Variants in FRMD4A observed in about 807,000 individuals in gnomAD.
FRMD4A encodes FERM domain-containing protein 4A.
FRMD4A carries 29 observed loss-of-function variants against 129.1 expected under a neutral mutation model. The observed-to-expected ratio is 0.22, with a 90% CI of 0.17 to 0.31. The LOEUF is 0.31. Ranked by LOEUF, FRMD4A falls within the 10% of genes least tolerant of loss-of-function variation. The probability of loss-of-function intolerance (pLI) is 1.00; values close to 1 mark genes in which losing one functional copy is unlikely to be tolerated. For synonymous variants in FRMD4A, 634 were observed against 571.6 expected (o/e 1.11, Z -1.56); for missense variants, 1,272 against 1,375.8 (o/e 0.92, Z 1.19).
At chr10:13,909,399 G>C (rs1364030062) in intron 2 of FRMD4A, among the ~76,000 whole-genome samples, 1 of 152,144 alleles carries the variant, frequency 6.6e-6, no homozygotes, top group Non-Finnish European at 1.5e-5. Context: ...GTTCCCATCA[G>C]TAACGTATAA....
intron 6 of FRMD4A, among the ~76,000 whole-genome samples, chr10:13,766,244 A>G (rs1225098027): frequency 1.3e-5 from 2 of 152,252 alleles, no homozygotes; most frequent in Non-Finnish European, 2.9e-5. Flanking sequence ...GGAAAGCACC[A>G]TCAAATATCT....
intron 2 of FRMD4A, among the ~76,000 whole-genome samples, chr10:14,156,814 G>A (rs981669820): frequency 1.3e-5 from 2 of 152,158 alleles, no homozygotes; most frequent in African/African-American, 2.4e-5. Context: ...CTGAGCACAC[G>A]TCCTGCTCAA....
At chr10:14,330,514 T>C (rs1306381936) in intron 1 of FRMD4A, 83 bp downstream of exon 1, 4 of 403,196 alleles carry the variant, frequency 9.9e-6, no homozygotes, top group African/African-American at 8.2e-5. Context: ...CTATTGCAGA[T>C]AAATCAAGCA....
At chr10:13,828,672 A>G (rs1025956744) in intron 3 of FRMD4A, among the ~76,000 whole-genome samples, 2 of 152,012 alleles carry the variant, frequency 1.3e-5, no homozygotes, top group African/African-American at 4.8e-5. Context: ...AGCTGGGATT[A>G]TAGGCATGTG....
rs779128066 is a variant in FRMD4A, at chr10:13,670,480, C to T, written c.1300G>A (p.Glu434Lys). The T allele has an allele frequency of 3.7e-6, 6 of 1,612,778 alleles. No homozygotes were observed. The highest frequency in any genetic ancestry group is 1.7e-5 in the Admixed American group (1 of 60,000). The change falls in exon 17 of 25, where the codon GAA (glutamate) becomes AAA (lysine). Residue 434 changes from glutamate (E) to lysine (K), a missense_variant. Physicochemically the swap from Glu to Lys is moderately conservative, Grantham distance 56. Transcript: ENST00000357447. ...ATTCTTCTCCGAACAATGGGTGGTT[C>T]CTCCCCTGGATCCAGGGGATATTCT... ...PVEYPLDPGEEPPIVRRRIGT... is the reference protein window; with the variant it reads ...PVEYPLDPGEKPPIVRRRIGT...
chr10:13,751,560 G>T (rs534416748), intron 8 of FRMD4A, among the ~76,000 whole-genome samples: 2 of 152,220 alleles, frequency 1.3e-5, no homozygotes, highest in Non-Finnish European at 2.9e-5. Flanking sequence ...CCCAGAGCTT[G>T]CAAGGCTGTG....
chr10:14,202,951 T>C (rs563295857), intron 2 of FRMD4A, among the ~76,000 whole-genome samples: 1 of 152,230 alleles, frequency 6.6e-6, no homozygotes, highest in Admixed American at 6.5e-5. Context: ...TTTTGTATTT[T>C]TCGTAGAGAC....
rs569135456 is a variant in FRMD4A, at chr10:13,646,083, G to A, written c.*955C>T. The A allele has an allele frequency of 1.3e-5, 2 of 152,604 alleles. No homozygotes were observed. Among genetic ancestry groups the A allele is most frequent in the Admixed American group, 1.3e-4 (2 of 15,304 alleles). 9.5% of individuals were successfully genotyped at this position (152,604 alleles called of 1,614,324 possible). A position where few individuals can be genotyped will look rare whatever the true frequency, so the allele number is the denominator to read the frequency against. On this transcript the variant is annotated 3_prime_UTR_variant, in exon 25 of 25. Coordinates refer to ENST00000357447, the MANE Select transcript of FRMD4A (RefSeq NM_018027.5). ...CACAGGTCTCTCTTTGTGTCCAGAT[G>A]GATGGCGACTGTGAGTCAGCAACGC... is the stretch of plus-strand genomic sequence containing the variant.
chr10:13,947,608 GCACACA>G (rs147781803), intron 2 of FRMD4A, among the ~76,000 whole-genome samples: 6 of 148,550 alleles, frequency 4.0e-5, no homozygotes, highest in Non-Finnish European at 9.0e-5. Context: ...ACACACACGT[GCACACA>G]CACACACACA....
chr10:14,123,017 T>C (rs1355256300), intron 2 of FRMD4A, among the ~76,000 whole-genome samples: 2 of 152,208 alleles, frequency 1.3e-5, no homozygotes, highest in African/African-American at 4.8e-5. Context: ...TTGATGATTA[T>C]AGAAGCTGGG....
intron 2 of FRMD4A, among the ~76,000 whole-genome samples, chr10:13,875,078 T>C (rs1001104849): frequency 2.0e-5 from 3 of 151,818 alleles, no homozygotes; most frequent in African/African-American, 4.8e-5. Context: ...TAAGAAGGGA[T>C]GAAATGGGAG....
intron 2 of FRMD4A, among the ~76,000 whole-genome samples, chr10:14,191,818 TC>T (rs1842328216): frequency 6.6e-6 from 1 of 151,096 alleles, no homozygotes; most frequent in Non-Finnish European, 1.5e-5. Context: ...TCTCTCTCTC[TC>T]TCTCTCCTGG....
At chr10:14,018,719 G>A (rs150766644) in intron 2 of FRMD4A, among the ~76,000 whole-genome samples, 3 of 152,250 alleles carry the variant, frequency 2.0e-5, no homozygotes, top group East Asian at 1.9e-4. Flanking sequence ...ATGATTAAGT[G>A]CAGAACTAGG....
At chr10:14,325,756 A>G (rs1288199225) in intron 2 of FRMD4A, among the ~76,000 whole-genome samples, 1 of 152,238 alleles carries the variant, frequency 6.6e-6, no homozygotes, top group Non-Finnish European at 1.5e-5. Context: ...TTGGTTAGTT[A>G]AAAAGGAAAT....
At chr10:13,972,403 G>T in intron 2 of FRMD4A, 1 of 798,996 alleles carries the variant, frequency 1.3e-6, no homozygotes, top group Non-Finnish European at 1.5e-6. Context: ...AAGAAGCCAG[G>T]CATTTTCTTT....
intron 2 of FRMD4A, among the ~76,000 whole-genome samples, chr10:13,914,828 C>A (rs2094981874): frequency 6.6e-6 from 1 of 152,114 alleles, no homozygotes; most frequent in Non-Finnish European, 1.5e-5. Context: ...CAAGACTGGG[C>A]AACAGAGTGA....
intron 2 of FRMD4A, among the ~76,000 whole-genome samples, chr10:13,908,450 T>G (rs1415991591): frequency 6.6e-6 from 1 of 152,226 alleles, no homozygotes; most frequent in Non-Finnish European, 1.5e-5. Context: ...TTTACAGAAA[T>G]GCAGCTAGAA....
chr10:13,891,518 G>A, intron 2 of FRMD4A: 2 of 791,498 alleles, frequency 2.5e-6, no homozygotes, highest in Non-Finnish European at 3.1e-6. Flanking sequence ...CAGTAAAGAA[G>A]CAGCGGCGCG....
rs1379406211 is a variant in FRMD4A, at chr10:13,937,637, T to C, written c.46-78725A>G. Among the ~76,000 whole-genome samples the C allele has an allele frequency of 4.6e-5, 7 of 152,136 alleles. No homozygotes were observed. In the East Asian group the frequency reaches 1.3e-3, roughly 29 times the overall value. ...TTCGTGAGTAAGCCCTGAGGCTCTT[T>C]GGGCATCAGTGCTCATAAATTAATA... On this transcript the variant is annotated intron_variant, in intron 2 of 24. Coordinates refer to ENST00000357447, the MANE Select transcript of FRMD4A (RefSeq NM_018027.5).
Sources: allele counts gnomAD v4.1 joint callset (sites outside exome capture counted in the v4.1 genomes callset), GRCh38; gene constraint gnomAD v4.1.1; transcripts MANE v1.5; gene names NCBI Gene and HGNC (gene_info 2026-07-23, HGNC 2026-07-21).